PPME1: variants seen among roughly 807,000 people sequenced by gnomAD.
PPME1 encodes testicular secretory protein Li 39.
Under a neutral mutation model 56.9 loss-of-function variants are expected in PPME1, and 17 were observed. The observed-to-expected ratio is 0.30, with a 90% CI of 0.20 to 0.45. PPME1 has a LOEUF of 0.45. PPME1 is among the 20% of genes least tolerant of loss of function. The pLI is 1.00. For synonymous variants in PPME1, 122 were observed against 156.2 expected, an observed-to-expected ratio of 0.78 and a Z score of 1.63; for missense variants, 357 against 483.2, an observed-to-expected ratio of 0.74 and a Z score of 2.45.
At position 74,250,765 on chromosome 11, in the gene PPME1, G is replaced by GA. The variant is rs530441751; in HGVS notation, c.1010-186dup. 1.4e-4 allele frequency: 78 copies of GA among 577,312 alleles called. No homozygotes were observed. The East Asian group carries it at 2.0e-3, about 15-fold the overall frequency. The allele number at this position is 577,312 out of a possible 1,614,324, so 35.8% of individuals were successfully genotyped here. ...ATAGGACAGAAGGAAAAAGTGAAGG[G>GA]AAATGATTGGCGCAAGGTTACAATT... On this transcript the variant is annotated intron_variant, in intron 11 of 13. Coordinates refer to ENST00000328257, the MANE Select transcript of PPME1 (RefSeq NM_016147.3).
chr11:74,231,098 C>G, intron 7 of PPME1, 96 bp downstream of exon 7: 1 of 1,084,566 alleles, frequency 9.2e-7, no homozygotes, highest in African/African-American at 1.6e-5. Context: ...CACTCTGTCA[C>G]CCAGGCTGGA....
chr11:74,237,400 T>G (rs1859220766), intron 8 of PPME1, among the ~76,000 whole-genome samples: 1 of 150,998 alleles, frequency 6.6e-6, no homozygotes, highest in South Asian at 2.1e-4. Flanking sequence ...CTCAGCCTCC[T>G]GAGTAGCTGG....
At chr11:74,212,746 T>C (rs1334676968) in intron 3 of PPME1, among the ~76,000 whole-genome samples, 1 of 152,056 alleles carries the variant, frequency 6.6e-6, no homozygotes, top group East Asian at 1.9e-4. Context: ...CATACTGAGC[T>C]AGAAGGGAGC....
intron 1 of PPME1, among the ~76,000 whole-genome samples, chr11:74,186,649 G>A (rs975557824): frequency 1.3e-5 from 2 of 152,086 alleles, no homozygotes; most frequent in Non-Finnish European, 2.9e-5. Flanking sequence ...TTGGAAAAAG[G>A]AATAAAGCTA....
intron 1 of PPME1, among the ~76,000 whole-genome samples, chr11:74,184,206 TAATTAAAC>T (rs1857612295): frequency 1.3e-5 from 2 of 152,230 alleles, no homozygotes; most frequent in African/African-American, 4.8e-5. Context: ...TTCATTCCTT[TAATTAAAC>T]AGCTTTTCCT....
intron 1 of PPME1, among the ~76,000 whole-genome samples, chr11:74,179,405 GA>G (rs1219792101): frequency 6.6e-6 from 1 of 152,176 alleles, no homozygotes; most frequent in African/African-American, 2.4e-5. Flanking sequence ...TGAGATGGGA[GA>G]ATCACTTGAG....
intron 1 of PPME1, among the ~76,000 whole-genome samples, chr11:74,174,317 T>C (rs997260262): frequency 6.6e-6 from 1 of 152,246 alleles, no homozygotes; most frequent in African/African-American, 2.4e-5. Context: ...TTTGGAGTCA[T>C]AATTGTCATC....
chr11:74,181,262 A>G (rs980057273), intron 1 of PPME1, among the ~76,000 whole-genome samples: 8 of 150,854 alleles, frequency 5.3e-5, no homozygotes, highest in African/African-American at 7.3e-5. Context: ...GTTAGCCAGG[A>G]TGGTCTCGAT....
intron 3 of PPME1, among the ~76,000 whole-genome samples, chr11:74,210,643 T>A (rs1163369694): frequency 6.6e-6 from 1 of 152,158 alleles, no homozygotes; most frequent in Non-Finnish European, 1.5e-5. Flanking sequence ...CTCTTTCTGC[T>A]TCCACTTTTA....
At chr11:74,243,409 T>A (rs1859425810) in intron 9 of PPME1, 1 of 152,214 alleles carries the variant, frequency 6.6e-6, no homozygotes, top group African/African-American at 2.4e-5. Context: ...CATTTCCCTG[T>A]GAAGTTCAGT....
intron 1 of PPME1, among the ~76,000 whole-genome samples, chr11:74,187,070 T>C (rs376956845): frequency 1.3e-5 from 2 of 152,226 alleles, no homozygotes; most frequent in East Asian, 3.8e-4. Context: ...TGTATGTGTT[T>C]GTTTTTGAAC....
At chr11:74,218,040 C>T (rs1348512290) in intron 3 of PPME1, among the ~76,000 whole-genome samples, 6 of 152,044 alleles carry the variant, frequency 3.9e-5, no homozygotes, top group Non-Finnish European at 8.8e-5. Context: ...CTAAAGACTC[C>T]ACCAAAAAAC....
chr11:74,245,127 A>G (rs527864309), intron 9 of PPME1, among the ~76,000 whole-genome samples: 1 of 152,130 alleles, frequency 6.6e-6, no homozygotes, highest in Admixed American at 6.5e-5. Flanking sequence ...TGAGTTCTCC[A>G]ATTTTGTTCT....
intron 3 of PPME1, among the ~76,000 whole-genome samples, chr11:74,214,249 T>C (rs1252065253): frequency 6.6e-6 from 1 of 152,136 alleles, no homozygotes; most frequent in African/African-American, 2.4e-5. Context: ...AAGTAAGAAT[T>C]AGCTTGAAGA....
intron 1 of PPME1, among the ~76,000 whole-genome samples, chr11:74,199,727 A>T (rs1316009782): frequency 6.6e-6 from 1 of 152,242 alleles, no homozygotes. Context: ...TTTATAAAGA[A>T]AAAGAGGTTT....
Position 74,210,711 on chromosome 11 carries a change from C to A in PPME1, c.288+6266C>A, listed in dbSNP as rs576219821. On this transcript the variant is annotated intron_variant, in intron 3 of 13. Transcript: ENST00000328257. ...AGCCTTCCACCATGAGTGGAAGCAG[C>A]CTGATGCACTCAGCAGCAGGACCAG... 1.2e-4 allele frequency among the ~76,000 whole-genome samples: 19 copies of A among 152,322 alleles called. 1 individual carries two copies. In the East Asian group the frequency reaches 3.5e-3, roughly 28 times the overall value.
intron 5 of PPME1, among the ~76,000 whole-genome samples, chr11:74,229,805 G>A (rs1859021804): frequency 2.0e-5 from 3 of 152,110 alleles, no homozygotes; most frequent in African/African-American, 7.2e-5. Context: ...ATAAACTGAG[G>A]CTAGGGCTCA....
In PPME1 at chr11:74,215,105, G is replaced by A. The variant is rs187824493; in HGVS notation, c.289-7207G>A. On this transcript the variant is annotated intron_variant, in intron 3 of 13. Transcript: ENST00000328257. ...CTCACACCTGTAATCCCGCACTTTG[G>A]GAGGCCGAGGTGGACAGATTGCTTG... Among the ~76,000 whole-genome samples, 39 of 152,284 alleles carry A rather than the reference G, an allele frequency of 2.6e-4. No homozygotes were observed. In the East Asian group the frequency reaches 7.3e-3, roughly 29 times the overall value.
At chr11:74,202,682 A>G (rs1858201513) in intron 1 of PPME1, among the ~76,000 whole-genome samples, 1 of 152,168 alleles carries the variant, frequency 6.6e-6, no homozygotes, top group African/African-American at 2.4e-5. Flanking sequence ...ATTCCATCCA[A>G]GGTTGAAGAC....
Sources: gnomAD v4.1 joint callset for allele counts (sites outside exome capture counted in the v4.1 genomes callset) on GRCh38, gnomAD v4.1.1 for gene constraint, MANE v1.5 for transcripts, NCBI Gene and HGNC (gene_info 2026-07-23, HGNC 2026-07-21) for gene names.